Variants in PLCB4 observed in about 807,000 individuals in gnomAD.
PLCB4 encodes the protein phospholipase C beta 4, also known as 1-phosphatidylinositol 4,5-bisphosphate phosphodiesterase beta-4.
A neutral mutation model predicts 178.8 loss-of-function variants in PLCB4; 77 were observed. The ratio of observed to expected loss-of-function variants is 0.43; its 90% CI spans 0.36 to 0.52. PLCB4 has a LOEUF of 0.52. Among genes scored for constraint, PLCB4 ranks in the 20% least tolerant of loss-of-function variants. The probability of loss-of-function intolerance (pLI) is 0.00; values close to 1 mark genes in which losing one functional copy is unlikely to be tolerated. For synonymous variants in PLCB4, 496 were observed against 490.8 expected (o/e 1.01, Z -0.14); for missense variants, 1,024 against 1,453.4 (o/e 0.70, Z 4.80).
intron 3 of PLCB4, among the ~76,000 whole-genome samples, chr20:9,290,637 G>T (rs1357743535): frequency 6.6e-6 from 1 of 152,110 alleles, no homozygotes; most frequent in Non-Finnish European, 1.5e-5. Context: ...CTGAAGAGTT[G>T]TTCTAGAAAT....
chr20:9,421,709 A>G (rs2040651768), intron 27 of PLCB4, among the ~76,000 whole-genome samples: 1 of 152,196 alleles, frequency 6.6e-6, no homozygotes, highest in African/African-American at 2.4e-5. Context: ...TGGGTTTACC[A>G]TCTTTTAGAA....
At chr20:9,130,129 G>A (rs1042216003) in intron 2 of PLCB4, among the ~76,000 whole-genome samples, 1 of 152,176 alleles carries the variant, frequency 6.6e-6, no homozygotes, top group African/African-American at 2.4e-5. Flanking sequence ...AGCCGACAAT[G>A]TAAGTCAGAG....
chr20:9,184,521 TC>T (rs2093298704), intron 2 of PLCB4, among the ~76,000 whole-genome samples: 1 of 151,156 alleles, frequency 6.6e-6, no homozygotes, highest in Non-Finnish European at 1.5e-5. Context: ...ATTACTATGC[TC>T]ATAGGTTTTA....
intron 25 of PLCB4, among the ~76,000 whole-genome samples, chr20:9,412,753 C>T (rs1048312035): frequency 2.0e-5 from 3 of 152,126 alleles, no homozygotes; most frequent in African/African-American, 7.2e-5. Context: ...AAGTCCTTAT[C>T]CTTGATGTTT....
At chr20:9,361,337 G>A (rs2035307731) in intron 7 of PLCB4, among the ~76,000 whole-genome samples, 1 of 152,184 alleles carries the variant, frequency 6.6e-6, no homozygotes, top group Non-Finnish European at 1.5e-5. Context: ...GAGCATGGAT[G>A]AACTTTGAGG....
intron 2 of PLCB4, among the ~76,000 whole-genome samples, chr20:9,210,246 G>C (rs949560226): frequency 1.3e-5 from 2 of 152,154 alleles, no homozygotes; most frequent in Non-Finnish European, 2.9e-5. Flanking sequence ...TGTAGAGCCA[G>C]TTGGCCACAG....
At chr20:9,386,860 A>G (rs73246694) in intron 14 of PLCB4, among the ~76,000 whole-genome samples, 5,361 of 110,798 alleles carry the variant, frequency 0.048, 355 homozygotes, top group African/African-American at 0.17. Flanking sequence ...GCCCACATTC[A>G]TATTTCCCCA....
chr20:9,174,286 G>A (rs909408737), intron 2 of PLCB4, among the ~76,000 whole-genome samples: 2 of 151,740 alleles, frequency 1.3e-5, no homozygotes, highest in Non-Finnish European at 2.9e-5. Context: ...CAAAGGGCAC[G>A]TAACCATGCC....
At chr20:9,373,209 T>C in intron 12 of PLCB4, 105 bp downstream of exon 12, 2 of 589,714 alleles carry the variant, frequency 3.4e-6, no homozygotes, top group Non-Finnish European at 6.1e-6. Context: ...TCGCTTTGCT[T>C]CTGACCTGCT....
At chr20:9,076,830 AT>A (rs11477149) in intron 1 of PLCB4, among the ~76,000 whole-genome samples, 94,757 of 151,826 alleles carry the variant, frequency 0.62, 29,682 homozygotes, top group South Asian at 0.72. Flanking sequence ...ATTTCTTTTA[AT>A]TTTTTTTCAT....
chr20:9,140,533 A>G (rs905227790), intron 2 of PLCB4, among the ~76,000 whole-genome samples: 2 of 151,400 alleles, frequency 1.3e-5, no homozygotes, highest in African/African-American at 4.9e-5. Context: ...ATGATCCCGA[A>G]TGTTGGAGGG....
chr20:9,455,689 C>T (rs1316781099), intron 33 of PLCB4, among the ~76,000 whole-genome samples: 1 of 152,130 alleles, frequency 6.6e-6, no homozygotes, highest in African/African-American at 2.4e-5. Context: ...ACGCAGCACT[C>T]CTAGCAGGCT....
intron 32 of PLCB4, among the ~76,000 whole-genome samples, chr20:9,448,274 T>A (rs773703121): frequency 1.8e-4 from 27 of 152,102 alleles, no homozygotes; most frequent in Admixed American, 1.4e-3. Context: ...TGAAAGGACA[T>A]CTACAGCTCT....
At chr20:9,234,400 C>G (rs983314295) in intron 3 of PLCB4, among the ~76,000 whole-genome samples, 1 of 151,874 alleles carries the variant, frequency 6.6e-6, no homozygotes, top group African/African-American at 2.4e-5. Context: ...CTGTGATCAC[C>G]TAGGAAGAGA....
intron 30 of PLCB4, among the ~76,000 whole-genome samples, chr20:9,440,698 G>C (rs761160174): frequency 6.6e-6 from 1 of 152,126 alleles, no homozygotes; most frequent in Non-Finnish European, 1.5e-5. Flanking sequence ...ATGTAAGTAG[G>C]TGTGGAAACA....
At chr20:9,393,160 G>A (rs1195102407) in intron 17 of PLCB4, among the ~76,000 whole-genome samples, 1 of 152,146 alleles carries the variant, frequency 6.6e-6, no homozygotes, top group African/African-American at 2.4e-5. Context: ...CAGCAGACAG[G>A]CTTACTATAC....
At chr20:9,146,555 G>C (rs1310402915) in intron 2 of PLCB4, among the ~76,000 whole-genome samples, 1 of 152,154 alleles carries the variant, frequency 6.6e-6, no homozygotes, top group Non-Finnish European at 1.5e-5. Flanking sequence ...GTAGTAAGTG[G>C]TTCAGGGCTC....
At chr20:9,381,925 C>T (rs566722228) in intron 13 of PLCB4, among the ~76,000 whole-genome samples, 1 of 152,260 alleles carries the variant, frequency 6.6e-6, no homozygotes, top group African/African-American at 2.4e-5. Context: ...TCACTCTGTA[C>T]CTGAGCTCAT....
intron 2 of PLCB4, among the ~76,000 whole-genome samples, chr20:9,186,894 G>T (rs193097395): frequency 6.6e-6 from 1 of 152,052 alleles, no homozygotes; most frequent in Non-Finnish European, 1.5e-5. Context: ...TGCCTCAGAC[G>T]CTGAGACCTC....
Sources: allele counts gnomAD v4.1 joint callset (sites outside exome capture counted in the v4.1 genomes callset), GRCh38; gene constraint gnomAD v4.1.1; transcripts MANE v1.5; gene names NCBI Gene and HGNC (gene_info 2026-07-23, HGNC 2026-07-21).